The following DNAJC21 variants were observed in gnomAD, a reference collection of about 807,000 sequenced individuals.
The protein encoded by DNAJC21 is DnaJ heat shock protein family (Hsp40) member C21.
DNAJC21 carries 63 observed loss-of-function variants against 72.4 expected under a neutral mutation model. The ratio of observed to expected loss-of-function variants is 0.87; its 90% CI spans 0.71 to 1.07. DNAJC21 has a LOEUF of 1.07. DNAJC21 is among the 50% of genes least tolerant of loss of function. The pLI is 0.00. For missense variants in DNAJC21, 634 were observed against 644.8 expected (o/e 0.98, Z 0.18); for synonymous variants, 203 against 216.7 (o/e 0.94, Z 0.56).
chr5:34,952,122 A>AGTGTGT (rs1326664782), intron 10 of DNAJC21: 1 of 924,476 alleles, frequency 1.1e-6, no homozygotes, highest in South Asian at 5.2e-5. Context: ...TTTTTTAAAA[A>AGTGTGT]ATGTGTGTGT....
At position 34,929,761 on chromosome 5, in the gene DNAJC21, C is replaced by T. The variant is rs548408775; in HGVS notation, c.-59C>T. 324 of 935,426 alleles carry T rather than the reference C, an allele frequency of 3.5e-4. 1 individual carries two copies. The African/African-American group carries it at 5.5e-3, about 16-fold the overall frequency. The allele number at this position is 935,426 out of a possible 1,614,324, so 57.9% of individuals were successfully genotyped here. A position where few individuals can be genotyped will look rare whatever the true frequency, so the allele number is the denominator to read the frequency against. On this transcript the variant is annotated 5_prime_UTR_variant, in exon 1 of 12. Transcript: ENST00000648817. Reference sequence around the variant, plus strand: ...CGCCGCCGCCGCCGCCGCTTCGGCCCGGGCCCGGGCCCCGACCCCGTCCCG... The same window carrying T: ...CGCCGCCGCCGCCGCCGCTTCGGCCTGGGCCCGGGCCCCGACCCCGTCCCG...
intron 9 of DNAJC21, 101 bp downstream of exon 9, chr5:34,945,904 C>A (rs1765162483): frequency 3.9e-6 from 3 of 769,674 alleles, no homozygotes; most frequent in Non-Finnish European, 5.9e-6. Flanking sequence ...ACTTATACTC[C>A]ATAATTTTAT....
At position 34,955,148 on chromosome 5, in the gene DNAJC21, G is replaced by T. The variant is rs1288163615; in HGVS notation, c.*434G>T. 6.6e-6 allele frequency: 1 copy of T among 152,586 alleles called. No homozygotes were observed. The highest frequency in any genetic ancestry group is 6.5e-5 in the Admixed American group (1 of 15,278). 9.5% of individuals were successfully genotyped at this position (152,586 alleles called of 1,614,324 possible). A position where few individuals can be genotyped will look rare whatever the true frequency, so the allele number is the denominator to read the frequency against. On this transcript the variant is annotated 3_prime_UTR_variant, in exon 12 of 12. Transcript: ENST00000648817. ...CTCGGATCTTTTAAAAAGCATCATA[G>T]ATCATTTTTCCATATGACACTGGTT...
Position 34,944,918 on chromosome 5 carries a change from A to G in DNAJC21, c.1035A>G (p.Leu345=), listed in dbSNP as rs767807198. ...AGCATCGGGAAATGGTGGCCTTGCT[A>G]AAACAACAGCTGGAGGAGGAAGAAG... The part of the protein sequence containing the change: ...SKKHREMVAL[L]KQQLEEEEEN... Residue 345 remains leucine (L), a synonymous_variant, in exon 8 of 12, where the codon CTA becomes CTG. Transcript: ENST00000648817. The G allele has an allele frequency of 6.2e-6, 10 of 1,614,096 alleles. No homozygotes were observed. In the African/African-American group the frequency reaches 1.3e-4, roughly 22 times the overall value.
rs1335598854 is a variant in DNAJC21, at chr5:34,955,365, G to T, written c.*651G>T. 2 of 152,086 alleles carry T rather than the reference G, an allele frequency of 1.3e-5. No homozygotes were observed. Among genetic ancestry groups the T allele is most frequent in the Non-Finnish European group, 2.9e-5 (2 of 68,012 alleles). 9.4% of individuals were successfully genotyped at this position (152,086 alleles called of 1,614,324 possible). On this transcript the variant is annotated 3_prime_UTR_variant, in exon 12 of 12. Coordinates refer to ENST00000648817, the MANE Select transcript of DNAJC21 (RefSeq NM_001012339.3). Reference sequence around the variant, plus strand: ...GGTGTATTGTTCAGTTTTTTGCTCCGATTTGAATTGTGGAGGTGGAAGCAA... The same window carrying T: ...GGTGTATTGTTCAGTTTTTTGCTCCTATTTGAATTGTGGAGGTGGAAGCAA...
chr5:34,946,523 C>T (rs1216002103), intron 9 of DNAJC21, among the ~76,000 whole-genome samples: 3 of 151,948 alleles, frequency 2.0e-5, no homozygotes, highest in Admixed American at 6.6e-5. Context: ...GTTTATTTAT[C>T]CAAATGGTTA....
At chr5:34,935,882 G>C (rs1324420334) in intron 3 of DNAJC21, 49 bp downstream of exon 3, 2 of 1,608,884 alleles carry the variant, frequency 1.2e-6, no homozygotes, top group South Asian at 1.1e-5. Flanking sequence ...ACTTCATTAA[G>C]ACTCACATAC....
intron 9 of DNAJC21, among the ~76,000 whole-genome samples, chr5:34,947,025 C>T (rs942667955): frequency 2.6e-5 from 4 of 152,122 alleles, no homozygotes; most frequent in Non-Finnish European, 5.9e-5. Flanking sequence ...ATTTTCTAAG[C>T]TCTTTTTGAA....
chr5:34,932,039 C>T (rs573999182), intron 1 of DNAJC21, among the ~76,000 whole-genome samples: 4 of 152,236 alleles, frequency 2.6e-5, no homozygotes, highest in South Asian at 4.2e-4. Context: ...TGTTCTAGGG[C>T]GGCAAAACTA....
intron 1 of DNAJC21, among the ~76,000 whole-genome samples, chr5:34,931,165 A>C (rs1302779633): frequency 6.6e-6 from 1 of 152,164 alleles, no homozygotes; most frequent in Non-Finnish European, 1.5e-5. Flanking sequence ...CAAAGTCAAA[A>C]GGGAATGGCT....
Position 34,956,605 on chromosome 5 carries a change from G to A in DNAJC21, c.*1891G>A, listed in dbSNP as rs187875486. 13 of 152,272 alleles carry A rather than the reference G, an allele frequency of 8.5e-5. No homozygotes were observed. In the East Asian group the frequency reaches 2.1e-3, roughly 25 times the overall value. 9.4% of individuals were successfully genotyped at this position (152,272 alleles called of 1,614,324 possible). A position where few individuals can be genotyped will look rare whatever the true frequency, so the allele number is the denominator to read the frequency against. ...ACATGTTATTATACACTAAAAAATAGGAAGTCATCTTGAAAGGCAGTTAAT... is the reference window on the plus strand; with the variant it reads ...ACATGTTATTATACACTAAAAAATAAGAAGTCATCTTGAAAGGCAGTTAAT... On this transcript the variant is annotated 3_prime_UTR_variant, in exon 12 of 12. Transcript: ENST00000648817.
At position 34,957,848 on chromosome 5, in the gene DNAJC21, T is replaced by C. The variant is rs964920969; in HGVS notation, c.*3134T>C. On this transcript the variant is annotated 3_prime_UTR_variant, in exon 12 of 12. Transcript: ENST00000648817. ...AAACTTTTTTATGAATTCCTAAACA[T>C]TACCATTTATGTGGCAGAAGTTCTG... 1 of 152,216 alleles carries C rather than the reference T, an allele frequency of 6.6e-6. No homozygotes were observed. The highest frequency in any genetic ancestry group is 2.4e-5 in the African/African-American group (1 of 41,462). The allele number at this position is 152,216 out of a possible 1,614,324, so 9.4% of individuals were successfully genotyped here.
chr5:34,948,792 G>A (rs1056757095), intron 9 of DNAJC21, among the ~76,000 whole-genome samples: 1 of 152,100 alleles, frequency 6.6e-6, no homozygotes, highest in African/African-American at 2.4e-5. Context: ...TGGAACCTGG[G>A]AGGCTGAGGT....
intron 10 of DNAJC21, chr5:34,951,434 C>CT: frequency 1.0e-6 from 1 of 985,462 alleles, no homozygotes; most frequent in Non-Finnish European, 1.2e-6. Flanking sequence ...CCTGTGTGTC[C>CT]TGTGGGATGG....
In DNAJC21 at chr5:34,954,830, A is replaced by G; in HGVS notation, c.*116A>G. On this transcript the variant is annotated 3_prime_UTR_variant, in exon 12 of 12. Coordinates refer to ENST00000648817, the MANE Select transcript of DNAJC21 (RefSeq NM_001012339.3). ...TCTGCAATTAATTACATTGTGGAAG[A>G]TTATTTTTTATCTTGTAAAAACACT... 8.6e-7 allele frequency: 1 copy of G among 1,162,870 alleles called. No homozygotes were observed. The highest frequency in any genetic ancestry group is 1.1e-6 in the Non-Finnish European group (1 of 874,638). The allele number at this position is 1,162,870 out of a possible 1,614,324, so 72.0% of individuals were successfully genotyped here.
In DNAJC21 at chr5:34,957,651, A is replaced by G. The variant is rs1364057945; in HGVS notation, c.*2937A>G. On this transcript the variant is annotated 3_prime_UTR_variant, in exon 12 of 12. Coordinates refer to ENST00000648817, the MANE Select transcript of DNAJC21 (RefSeq NM_001012339.3). ...CCCCTACAAAATTTTCAGATTGGAA[A>G]TTACTCTTGTATTTGTAGAAGATTG... 1 of 152,170 alleles carries G rather than the reference A, an allele frequency of 6.6e-6. No homozygotes were observed. The highest frequency in any genetic ancestry group is 1.5e-5 in the Non-Finnish European group (1 of 68,012). 9.4% of individuals were successfully genotyped at this position (152,170 alleles called of 1,614,324 possible).
At chr5:34,931,480 G>A (rs1350273881) in intron 1 of DNAJC21, among the ~76,000 whole-genome samples, 4 of 152,040 alleles carry the variant, frequency 2.6e-5, no homozygotes, top group Non-Finnish European at 4.4e-5. Context: ...GGTGGGAAAG[G>A]GTAAATGAAG....
In DNAJC21 at chr5:34,956,166, CGAAAT is replaced by C. The variant is rs1290513638; in HGVS notation, c.*1456_*1460del. The C allele has an allele frequency of 6.6e-6, 1 of 151,348 alleles. No homozygotes were observed. The highest frequency in any genetic ancestry group is 1.5e-5 in the Non-Finnish European group (1 of 67,856). The allele number at this position is 151,348 out of a possible 1,614,324, so 9.4% of individuals were successfully genotyped here. A position where few individuals can be genotyped will look rare whatever the true frequency, so the allele number is the denominator to read the frequency against. ...ATATATCCTTGAATCTTCAGATTAA[CGAAAT>C]GAACAAATTTTCGGTTACAGATCAG... On this transcript the variant is annotated 3_prime_UTR_variant, in exon 12 of 12. Transcript: ENST00000648817.
chr5:34,929,979 C>T (rs1196530147), intron 1 of DNAJC21, 63 bp downstream of exon 1: 6 of 1,329,298 alleles, frequency 4.5e-6, no homozygotes, highest in South Asian at 1.5e-5. Flanking sequence ...CCGACCTTCC[C>T]TTCCCCCGGG....
Sources: gnomAD v4.1 joint callset for allele counts (sites outside exome capture counted in the v4.1 genomes callset) on GRCh38, gnomAD v4.1.1 for gene constraint, MANE v1.5 for transcripts, NCBI Gene and HGNC (gene_info 2026-07-23, HGNC 2026-07-21) for gene names.